The following GRAMD1B variants were observed in gnomAD, a reference collection of about 807,000 sequenced individuals.
GRAMD1B encodes the protein protein Aster-B.
GRAMD1B carries 37 observed loss-of-function variants against 99.7 expected under a neutral mutation model. That is an observed-to-expected ratio of 0.37 (90% CI 0.29 to 0.49). GRAMD1B has a LOEUF of 0.49. Ranked by LOEUF, GRAMD1B falls within the 20% of genes least tolerant of loss-of-function variation. The pLI, the probability that GRAMD1B is intolerant of heterozygous loss-of-function variation, is 0.98. For missense variants in GRAMD1B, 888 were observed against 1,009.2 expected (o/e 0.88, Z 1.63); for synonymous variants, 427 against 387.6 (o/e 1.10, Z -1.19).
In GRAMD1B at chr11:123,577,812, T is replaced by A. The variant is rs529615394; in HGVS notation, c.663+235T>A. Among the ~76,000 whole-genome samples, 39 of 152,026 alleles carry A rather than the reference T, an allele frequency of 2.6e-4. No individual in the cohort carries two copies. In the South Asian group the frequency reaches 8.1e-3, roughly 32 times the overall value. Reference sequence around the variant, plus strand: ...GGCGAGGTAGGGAGGCTCATATTTTTTTTTTTTAGATTTGGAGGGGAGACG... The same window carrying A: ...GGCGAGGTAGGGAGGCTCATATTTTATTTTTTTAGATTTGGAGGGGAGACG... On this transcript the variant is annotated intron_variant, in intron 3 of 19. Coordinates refer to ENST00000635736, the MANE Select transcript of GRAMD1B (RefSeq NM_001387025.1).
chr11:123,579,881 A>G (rs1183724477), intron 3 of GRAMD1B, among the ~76,000 whole-genome samples: 1 of 152,152 alleles, frequency 6.6e-6, no homozygotes, highest in Non-Finnish European at 1.5e-5. Flanking sequence ...AAGGAGACAT[A>G]ATGAAGGGAC....
chr11:123,600,651 C>T, intron 8 of GRAMD1B, 103 bp downstream of exon 8: 1 of 704,780 alleles, frequency 1.4e-6, no homozygotes, highest in Non-Finnish European at 2.5e-6. Flanking sequence ...TATTCTCCCA[C>T]TGATGGTATT....
chr11:123,391,113 T>A (rs1947262167), intron 1 of GRAMD1B, among the ~76,000 whole-genome samples: 1 of 152,218 alleles, frequency 6.6e-6, no homozygotes, highest in African/African-American at 2.4e-5. Flanking sequence ...CCAGCTCTGC[T>A]CTTTTTTCAC....
At chr11:123,459,920 A>C (rs1009278369) in intron 1 of GRAMD1B, 1 of 152,104 alleles carries the variant, frequency 6.6e-6, no homozygotes, top group Non-Finnish European at 1.5e-5. Context: ...TGAATGAATT[A>C]TTTACTTTAT....
At chr11:123,424,356 G>A (rs972480834) in intron 1 of GRAMD1B, among the ~76,000 whole-genome samples, 63 of 152,142 alleles carry the variant, frequency 4.1e-4, no homozygotes, top group African/African-American at 1.4e-3. Context: ...ACTAGGCTAG[G>A]TGTGGTGGCT....
intron 1 of GRAMD1B, among the ~76,000 whole-genome samples, chr11:123,398,513 T>C (rs1325225160): frequency 6.6e-6 from 1 of 152,244 alleles, no homozygotes; most frequent in Non-Finnish European, 1.5e-5. Context: ...ATTCAAACCA[T>C]AGCATACTTG....
At chr11:123,594,046 G>T (rs1487129278) in intron 4 of GRAMD1B, 36 bp from the exon 5 acceptor site, 1 of 1,400,362 alleles carries the variant, frequency 7.1e-7, no homozygotes, top group Non-Finnish European at 1.0e-6. Context: ...CACAGAACCG[G>T]GGTACATCCT....
At chr11:123,405,669 C>G (rs1302562393) in intron 1 of GRAMD1B, among the ~76,000 whole-genome samples, 3 of 152,142 alleles carry the variant, frequency 2.0e-5, no homozygotes, top group Non-Finnish European at 4.4e-5. Flanking sequence ...TTTGGGCCAA[C>G]AGGTCCCCAA....
In GRAMD1B at chr11:123,603,524, C is replaced by G. The variant is rs769186696; in HGVS notation, c.1149C>G (p.Asp383Glu). 1.7e-5 allele frequency: 27 copies of G among 1,609,914 alleles called. No individual in the cohort carries two copies. The highest frequency in any genetic ancestry group is 1.2e-4 in the South Asian group (11 of 90,998). Residue 383 changes from aspartate (D) to glutamate (E), a missense_variant, in exon 9 of 20, where the codon GAC (aspartate) becomes GAG (glutamate). Physicochemically the swap from Asp to Glu is conservative, Grantham distance 45. Coordinates refer to ENST00000635736, the MANE Select transcript of GRAMD1B (RefSeq NM_001387025.1). ...ACGAGGACTACGTGCCCCCTGACGA[C>G]GACTTCAACACAATGGGGTGAGTGA... ...SDDEDYVPPD[D>E]DFNTMGYCEE...
At chr11:123,572,881 G>T (rs1402054925) in intron 2 of GRAMD1B, among the ~76,000 whole-genome samples, 1 of 150,466 alleles carries the variant, frequency 6.6e-6, no homozygotes, top group Non-Finnish European at 1.5e-5. Flanking sequence ...GGCCCCGATG[G>T]CTGGGACAGG....
At chr11:123,541,399 T>C (rs952441779) in intron 2 of GRAMD1B, among the ~76,000 whole-genome samples, 1 of 152,220 alleles carries the variant, frequency 6.6e-6, no homozygotes, top group Non-Finnish European at 1.5e-5. Flanking sequence ...CTTGCCTCGG[T>C]ATTTCCATTC....
In GRAMD1B at chr11:123,610,158, C is replaced by G. The variant is rs768289259; in HGVS notation, c.1777-38C>G. 3.1e-6 allele frequency: 5 copies of G among 1,610,570 alleles called. No homozygotes were observed. The highest frequency in any genetic ancestry group is 4.2e-6 in the Non-Finnish European group (5 of 1,177,240). On this transcript the variant is annotated intron_variant, in intron 13 of 19. Coordinates refer to ENST00000635736, the MANE Select transcript of GRAMD1B (RefSeq NM_001387025.1). This position sits in a 1 kb window ranked among gnomAD's most constrained non-coding sequence, Gnocchi z 4.1. Reference sequence around the variant, plus strand: ...AGGTGCTTTTCCAAGCTTCTTGCTCCTCTTCAGTTTTGTCCAATGGACCTT... The same window carrying G: ...AGGTGCTTTTCCAAGCTTCTTGCTCGTCTTCAGTTTTGTCCAATGGACCTT...
At chr11:123,599,489 T>C (rs888277177) in intron 7 of GRAMD1B, 6 of 585,120 alleles carry the variant, frequency 1.0e-5, no homozygotes, top group Admixed American at 1.9e-5. Flanking sequence ...TTGCTGTTTT[T>C]TGAGGCGCAG....
chr11:123,442,328 C>T (rs938316407), intron 1 of GRAMD1B, among the ~76,000 whole-genome samples: 1 of 152,176 alleles, frequency 6.6e-6, no homozygotes, highest in Non-Finnish European at 1.5e-5. Context: ...AACCAGAGTT[C>T]CCGACTCCCT....
intron 1 of GRAMD1B, among the ~76,000 whole-genome samples, chr11:123,363,072 G>A (rs1296913233): frequency 6.6e-6 from 1 of 151,348 alleles, no homozygotes; most frequent in Non-Finnish European, 1.5e-5. Flanking sequence ...GGGGAAAAGA[G>A]CAGAAGATAA....
chr11:123,373,878 G>C (rs950070026), intron 1 of GRAMD1B, among the ~76,000 whole-genome samples: 1 of 152,146 alleles, frequency 6.6e-6, no homozygotes, highest in Non-Finnish European at 1.5e-5. Context: ...GGTCATTTTG[G>C]AGGATTGTTT....
rs980897027 is a variant in GRAMD1B at position 123,612,794 on chromosome 11, C to T, written c.1953C>T (p.Pro651=). 6.2e-7 allele frequency: 1 copy of T among 1,611,774 alleles called. No individual in the cohort carries two copies. Among genetic ancestry groups the T allele is most frequent in the Admixed American group, 1.7e-5 (1 of 59,924 alleles). ...VSTELRYRKQ[P]WGLVKTFIEK... ...CAGAGCTGCGCTATCGAAAACAGCC[C>T]TGGGGGTTAGTGAAAACGTTCATCG... The change falls in exon 15 of 20, where the codon CCC becomes CCT. Residue 651 remains proline (P), a synonymous_variant. Coordinates refer to ENST00000635736, the MANE Select transcript of GRAMD1B (RefSeq NM_001387025.1).
Position 123,591,582 on chromosome 11 carries a change from T to A in GRAMD1B, c.685-2500T>A, listed in dbSNP as rs1041901972. 1 of 398,380 alleles carries A rather than the reference T, an allele frequency of 2.5e-6. No homozygotes were observed. The highest frequency in any genetic ancestry group is 4.4e-6 in the Non-Finnish European group (1 of 226,058). 24.7% of individuals were successfully genotyped at this position (398,380 alleles called of 1,614,324 possible). A position where few individuals can be genotyped will look rare whatever the true frequency, so the allele number is the denominator to read the frequency against. On this transcript the variant is annotated intron_variant, in intron 4 of 19. Transcript: ENST00000635736. This position sits in a 1 kb window ranked among gnomAD's most constrained non-coding sequence, Gnocchi z 4.7. ...AGTTTCTCTGAGTCTCTGTGGTAGT[T>A]CTGCACCCTTGTTATGCCACTTGGC...
chr11:123,370,901 T>C (rs1289982797), intron 1 of GRAMD1B, among the ~76,000 whole-genome samples: 2 of 151,960 alleles, frequency 1.3e-5, no homozygotes, highest in African/African-American at 4.8e-5. Flanking sequence ...TGGGTAGATG[T>C]TTTGGGAAGG....
Sources: allele counts gnomAD v4.1 joint callset (sites outside exome capture counted in the v4.1 genomes callset), GRCh38; gene constraint gnomAD v4.1.1; non-coding constraint Gnocchi (gnomAD v3.1); transcripts MANE v1.5; gene names NCBI Gene and HGNC (gene_info 2026-07-23, HGNC 2026-07-21).